DSG2: variants seen among roughly 807,000 people sequenced by gnomAD.
DSG2 encodes the protein desmoglein 2.
In DSG2, 45 loss-of-function variants were observed where a neutral mutation model predicts 75.6. The ratio of observed to expected loss-of-function variants is 0.60; its 90% CI spans 0.47 to 0.76. DSG2 has a LOEUF of 0.76. Among genes scored for constraint, DSG2 ranks in the 30% least tolerant of loss-of-function variants. The pLI, the probability that DSG2 is intolerant of heterozygous loss-of-function variation, is 0.00. For synonymous variants in DSG2, 429 were observed against 483.9 expected, an observed-to-expected ratio of 0.89 and a Z score of 1.49; for missense variants, 1,267 against 1,357.4, an observed-to-expected ratio of 0.93 and a Z score of 1.05.
chr18:31,531,177 A>T lies in DSG2; in HGVS notation c.1205A>T (p.Asp402Val). ...TCAATTTATGTTAGCGAGAGCATGG[A>T]TAGATCAAGCAAAGGCCAAATAATT... is the stretch of plus-strand genomic sequence containing the variant. ...VISIYVSESM[D>V]RSSKGQIIGN... is the part of the protein sequence containing the mutation. Residue 402 changes from aspartate to valine, a missense_variant, in exon 9 of 15, where the codon GAT (aspartate) becomes GTT (valine). Asp to Val is a radical substitution (Grantham distance 152). Coordinates refer to ENST00000261590, the MANE Select transcript of DSG2 (RefSeq NM_001943.5). 1 of 1,614,198 alleles carries T rather than the reference A, an allele frequency of 6.2e-7. No homozygotes were observed. The highest frequency in any genetic ancestry group is 1.1e-5 in the South Asian group (1 of 91,092).
intron 1 of DSG2, among the ~76,000 whole-genome samples, chr18:31,503,278 G>A (rs1003464223): frequency 2.0e-5 from 3 of 152,180 alleles, no homozygotes; most frequent in African/African-American, 7.2e-5. Flanking sequence ...ATAGAGAAAC[G>A]TAGTACCATG....
intron 2 of DSG2, among the ~76,000 whole-genome samples, chr18:31,519,502 T>A (rs1281472134): frequency 1.3e-5 from 2 of 152,114 alleles, no homozygotes; most frequent in Non-Finnish European, 2.9e-5. Flanking sequence ...AAGTCAAGGC[T>A]ACAGTGAGCC....
rs1311046369 is a variant in DSG2, at chr18:31,522,206, A to G, written c.647A>G (p.Asp216Gly). 6.2e-7 allele frequency: 1 copy of G among 1,613,894 alleles called. No individual in the cohort carries two copies. Among genetic ancestry groups the G allele is most frequent in the Admixed American group, 1.7e-5 (1 of 60,026 alleles). Residue 216 changes from aspartate to glycine, a missense_variant, in exon 6 of 15, where the codon GAT (aspartate) becomes GGT (glycine). Coordinates refer to ENST00000261590, the MANE Select transcript of DSG2 (RefSeq NM_001943.5). Reference protein sequence around the residue: ...AYPPVFYLNKDTGEIYTTSVT... With the variant: ...AYPPVFYLNKGTGEIYTTSVT... ...CCTCCAGTGTTCTACCTAAATAAAG[A>G]TACAGGAGAGATTTATACAACCAGT...
At position 31,519,890 on chromosome 18, in the gene DSG2, G is replaced by A; in HGVS notation, c.169G>A (p.Ala57Thr). The A allele has an allele frequency of 1.2e-6, 2 of 1,614,164 alleles. No individual in the cohort carries two copies. The highest frequency in any genetic ancestry group is 1.1e-5 in the South Asian group (1 of 91,078). ...QKRAWITAPVALREGEDLSKK... is the reference protein window; with the variant it reads ...QKRAWITAPVTLREGEDLSKK... ...GCGCGCCTGGATCACCGCCCCCGTG[G>A]CTCTTCGGGAGGGAGAGGATCTGTC... Residue 57 changes from alanine to threonine, a missense_variant, in exon 3 of 15, where the codon GCT becomes ACT. Physicochemically the swap from Ala to Thr is moderately conservative, Grantham distance 58. Transcript: ENST00000261590.
intron 3 of DSG2, 50 bp downstream of exon 3, chr18:31,519,987 T>C (rs756586464): frequency 1.1e-5 from 17 of 1,611,352 alleles, no homozygotes; most frequent in Non-Finnish European, 1.4e-5. Context: ...TAAAATGTGG[T>C]GTGAGAGGAC....
Position 31,546,578 on chromosome 18 carries a change from C to T in DSG2, c.3192C>T (p.Pro1064=). Residue 1064 remains proline (P), a synonymous_variant, in exon 15 of 15, where the codon CCC becomes CCT. Coordinates refer to ENST00000261590, the MANE Select transcript of DSG2 (RefSeq NM_001943.5). ...ASTLQSSYQI[P]TENSMTARNT... is the part of the protein sequence containing the mutation. ...CTCTGCAATCCAGTTACCAGATTCC[C>T]ACTGAAAATTCTATGACGGCTAGGA... 6.2e-7 allele frequency: 1 copy of T among 1,614,188 alleles called. No homozygotes were observed. Among genetic ancestry groups the T allele is most frequent in the Non-Finnish European group, 8.5e-7 (1 of 1,180,040 alleles).
At chr18:31,515,579 T>C (rs2073090163) in intron 1 of DSG2, among the ~76,000 whole-genome samples, 2 of 152,156 alleles carry the variant, frequency 1.3e-5, no homozygotes, top group South Asian at 4.1e-4. Context: ...TGAAAATACA[T>C]AAATTTGGGG....
rs976655894 is a variant in DSG2 at position 31,546,918 on chromosome 18, G to A, written c.*175G>A. 1 of 726,438 alleles carries A rather than the reference G, an allele frequency of 1.4e-6. No individual in the cohort carries two copies. The highest frequency in any genetic ancestry group is 2.4e-6 in the Non-Finnish European group (1 of 414,324). 45.0% of individuals were successfully genotyped at this position (726,438 alleles called of 1,614,324 possible). A position where few individuals can be genotyped will look rare whatever the true frequency, so the allele number is the denominator to read the frequency against. On this transcript the variant is annotated 3_prime_UTR_variant, in exon 15 of 15. Transcript: ENST00000261590. ...GACCACACTGTCTCTGCTTCCAGGA[G>A]TATTTTAGAAATGTTCCACAATTTA...
rs2073319931 is a variant in DSG2, at chr18:31,547,273, A to G, written c.*530A>G. ...CTTCTTTAAGACTTGAACCCTTTCA[A>G]TCTGTGTGATTCATTAAATTGGACC... On this transcript the variant is annotated 3_prime_UTR_variant, in exon 15 of 15. Coordinates refer to ENST00000261590, the MANE Select transcript of DSG2 (RefSeq NM_001943.5). 2 of 215,852 alleles carry G rather than the reference A, an allele frequency of 9.3e-6. No homozygotes were observed. Among genetic ancestry groups the G allele is most frequent in the Non-Finnish European group, 1.9e-5 (2 of 107,590 alleles). 13.4% of individuals were successfully genotyped at this position (215,852 alleles called of 1,614,324 possible).
Position 31,542,803 on chromosome 18 carries a change from C to A in DSG2, c.2285C>A (p.Ala762Glu). Residue 762 changes from alanine (A) to glutamate (E), a missense_variant, in exon 14 of 15, where the codon GCA becomes GAA. Physicochemically the swap from Ala to Glu is moderately radical, Grantham distance 107. Coordinates refer to ENST00000261590, the MANE Select transcript of DSG2 (RefSeq NM_001943.5). ...TCCAGAGACATGGCCGGAGCTCAGG[C>A]AGCTGCTGTTGCACTGAACGAAGAA... Reference protein sequence around the residue: ...GASRDMAGAQAAAVALNEEFL... With the variant: ...GASRDMAGAQEAAVALNEEFL... 2.5e-6 allele frequency: 4 copies of A among 1,596,542 alleles called. No individual in the cohort carries two copies. Among genetic ancestry groups the A allele is most frequent in the Non-Finnish European group, 3.4e-6 (4 of 1,173,876 alleles).
At chr18:31,544,235 A>G (rs1372397858) in intron 14 of DSG2, among the ~76,000 whole-genome samples, 1 of 152,194 alleles carries the variant, frequency 6.6e-6, no homozygotes, top group East Asian at 1.9e-4. Context: ...TTTCATATAG[A>G]CTGTATTCTA....
chr18:31,517,786 CGT>C (rs1044877591), intron 1 of DSG2, among the ~76,000 whole-genome samples: 1 of 151,510 alleles, frequency 6.6e-6, no homozygotes, highest in African/African-American at 2.4e-5. Context: ...ATGGGCTGTC[CGT>C]GTGTGTGTGG....
intron 9 of DSG2, among the ~76,000 whole-genome samples, chr18:31,533,991 C>CTTTTTTTTTTTT (rs55789239): frequency 5.6e-5 from 7 of 125,944 alleles, no homozygotes; most frequent in South Asian, 2.5e-4. Flanking sequence ...TCTTTTTTTT[C>CTTTTTTTTTTTT]TTTTTTTTTT....
chr18:31,541,430 C>T, intron 13 of DSG2, 116 bp downstream of exon 13: 1 of 1,337,050 alleles, frequency 7.5e-7, no homozygotes, highest in East Asian at 2.5e-5. Context: ...GGATTTCACT[C>T]ATGTGCCTTT....
chr18:31,517,575 T>G (rs549860735), intron 1 of DSG2, among the ~76,000 whole-genome samples: 1 of 152,212 alleles, frequency 6.6e-6, no homozygotes, highest in Non-Finnish European at 1.5e-5. Flanking sequence ...CTTTAATGCA[T>G]CAATTTTTAA....
rs762894860 is a variant in DSG2 at position 31,498,314 on chromosome 18, G to T, written c.45+18G>T. The T allele has an allele frequency of 3.7e-5, 47 of 1,258,066 alleles. No homozygotes were observed. The highest frequency in any genetic ancestry group is 4.6e-5 in the Non-Finnish European group (46 of 994,482). The allele number at this position is 1,258,066 out of a possible 1,614,324, so 77.9% of individuals were successfully genotyped here. Reference sequence around the variant, plus strand: ...TTCTCCTGGTAAGTGCCGCAAGCGGGACAGGGGAGCCACCGCCGGGGAGGG... The same window carrying T: ...TTCTCCTGGTAAGTGCCGCAAGCGGTACAGGGGAGCCACCGCCGGGGAGGG... On this transcript the variant is annotated intron_variant, in intron 1 of 14. Transcript: ENST00000261590.
In DSG2 at chr18:31,522,189, G is replaced by A. The variant is rs1392721083; in HGVS notation, c.630G>A (p.Val210=). ...CTCTGGAGCCTGCTTATCCTCCAGT[G>A]TTCTACCTAAATAAAGATACAGGAG... ...IVSLEPAYPP[V]FYLNKDTGEI... The change falls in exon 6 of 15, where the codon GTG becomes GTA. Residue 210 remains valine (V), a synonymous_variant. Coordinates refer to ENST00000261590, the MANE Select transcript of DSG2 (RefSeq NM_001943.5). 1.2e-6 allele frequency: 2 copies of A among 1,613,864 alleles called. No homozygotes were observed. Among genetic ancestry groups the A allele is most frequent in the Non-Finnish European group, 8.5e-7 (1 of 1,179,826 alleles).
At chr18:31,529,657 A>C (rs1372677256) in intron 8 of DSG2, among the ~76,000 whole-genome samples, 1 of 152,190 alleles carries the variant, frequency 6.6e-6, no homozygotes, top group African/African-American at 2.4e-5. Flanking sequence ...AAGGAAGGAA[A>C]TTCACAATGA....
intron 14 of DSG2, among the ~76,000 whole-genome samples, chr18:31,543,606 C>G (rs2073284414): frequency 6.6e-6 from 1 of 152,212 alleles, no homozygotes; most frequent in African/African-American, 2.4e-5. Flanking sequence ...TGGCTCATGC[C>G]TGTGATCCCA....
Sources: gnomAD v4.1 joint callset for allele counts (sites outside exome capture counted in the v4.1 genomes callset) on GRCh38, gnomAD v4.1.1 for gene constraint, MANE v1.5 for transcripts, NCBI Gene and HGNC (gene_info 2026-07-23, HGNC 2026-07-21) for gene names.